The following TYRP1 variants were observed in gnomAD, a reference collection of about 807,000 sequenced individuals.
TYRP1 encodes the protein tyrosinase related protein 1.
In TYRP1, 49 loss-of-function variants were observed where a neutral mutation model predicts 42.8. The ratio of observed to expected loss-of-function variants is 1.14; its 90% confidence interval spans 0.91 to 1.45. The LOEUF is 1.45. Ranked by LOEUF, TYRP1 falls within the 40% of genes most tolerant of loss-of-function variation. TYRP1 has a pLI of 0.00. For synonymous variants in TYRP1, 279 were observed against 235.4 expected (o/e 1.19, Z -1.69); for missense variants, 848 against 662.0 (o/e 1.28, Z -3.08).
intron 5 of TYRP1, among the ~76,000 whole-genome samples, chr9:12,703,702 A>C (rs1818210987): frequency 6.6e-6 from 1 of 151,966 alleles, no homozygotes; most frequent in African/African-American, 2.4e-5. Context: ...AGATGAAGAG[A>C]GAACTGGTTA....
chr9:12,709,124 A>G lies in TYRP1; in HGVS notation c.1556A>G (p.Tyr519Cys). Residue 519 changes from tyrosine (Y) to cysteine (C), a missense_variant, in exon 8 of 8, where the codon TAT becomes TGT. Coordinates refer to ENST00000388918, the MANE Select transcript of TYRP1 (RefSeq NM_000550.3). ...EANQPLLTDQ[Y>C]QCYAEEYEKL... ...AACCAGCCTCTCCTCACTGATCAGT[A>G]TCAATGCTATGCTGAAGAATATGAA... The G allele has an allele frequency of 1.2e-6, 2 of 1,612,730 alleles. No homozygotes were observed. The highest frequency in any genetic ancestry group is 1.3e-5 in the African/African-American group (1 of 74,926).
chr9:12,695,543 A>G lies in TYRP1; in HGVS notation c.414A>G (p.Lys138=). ...IVRRNLLDLS[K]EEKNHFVRAL... ...GGAGAAATCTTCTGGACTTAAGTAAAGAAGAAAAGAACCACTTTGTCCGGG... is the reference window on the plus strand; with the variant it reads ...GGAGAAATCTTCTGGACTTAAGTAAGGAAGAAAAGAACCACTTTGTCCGGG... The change falls in exon 3 of 8, where the codon AAA becomes AAG. Residue 138 remains lysine, a synonymous_variant. Coordinates refer to ENST00000388918, the MANE Select transcript of TYRP1 (RefSeq NM_000550.3). 1.9e-6 allele frequency: 3 copies of G among 1,614,166 alleles called. No individual in the cohort carries two copies. The highest frequency in any genetic ancestry group is 1.6e-4 in the Middle Eastern group (1 of 6,062).
chr9:12,708,894 C>T (rs1586848156), intron 7 of TYRP1, 83 bp from the exon 8 acceptor site: 1 of 1,241,388 alleles, frequency 8.1e-7, no homozygotes, highest in Non-Finnish European at 1.2e-6. Context: ...TTAAAATAGA[C>T]ATTTCTAAAT....
intron 4 of TYRP1, 63 bp downstream of exon 4, chr9:12,698,718 G>T (rs973888112): frequency 2.1e-6 from 3 of 1,458,942 alleles, no homozygotes; most frequent in South Asian, 1.2e-5. Flanking sequence ...TAAATATGTT[G>T]CCTGAAAGGC....
Position 12,702,077 on chromosome 9 carries a change from A to C in TYRP1, c.914-194A>C, listed in dbSNP as rs532650680. On this transcript the variant is annotated intron_variant, in intron 4 of 7. Coordinates refer to ENST00000388918, the MANE Select transcript of TYRP1 (RefSeq NM_000550.3). ...AGATACTTTTATGTATCTCATATCTACTTGATTCAAAGAAATGGGACATGG... is the reference window on the plus strand; with the variant it reads ...AGATACTTTTATGTATCTCATATCTCCTTGATTCAAAGAAATGGGACATGG... Among the ~76,000 whole-genome samples the C allele has an allele frequency of 1.8e-3, 280 of 152,060 alleles. 1 individual carries two copies. The highest frequency in any genetic ancestry group is 6.4e-3 in the African/African-American group (267 of 41,526).
chr9:12,695,664 T>C lies in TYRP1; in HGVS notation c.535T>C (p.Phe179Leu). The C allele has an allele frequency of 6.2e-7, 1 of 1,614,174 alleles. No individual in the cohort carries two copies. The highest frequency in any genetic ancestry group is 1.1e-5 in the South Asian group (1 of 91,088). The change falls in exon 3 of 8, where the codon TTT (phenylalanine) becomes CTT (leucine). Residue 179 changes from phenylalanine (F) to leucine (L), a missense_variant. Transcript: ENST00000388918. ...GGGGCCAGATGGCAACACGCCACAA[T>C]TTGAGAACATTTCCATTTATAACTA... ...ILGPDGNTPQ[F>L]ENISIYNYFV...
At chr9:12,702,869 C>A (rs148031683) in intron 5 of TYRP1, among the ~76,000 whole-genome samples, 29 of 151,836 alleles carry the variant, frequency 1.9e-4, no homozygotes, top group Non-Finnish European at 4.0e-4. Flanking sequence ...GCCTTGCTTG[C>A]GCATATGTTT....
chr9:12,709,495 C>T lies in TYRP1; in HGVS notation c.*313C>T, dbSNP rs1369121366. 5 of 329,594 alleles carry T rather than the reference C, an allele frequency of 1.5e-5. No homozygotes were observed. Among genetic ancestry groups the T allele is most frequent in the African/African-American group, 1.0e-4 (5 of 47,706 alleles). 20.4% of individuals were successfully genotyped at this position (329,594 alleles called of 1,614,324 possible). ...AGATATAAGTAAGTGAACTACCATG[C>T]TTTGTTTACGTGTAAAGGAAAATAA... On this transcript the variant is annotated 3_prime_UTR_variant, in exon 8 of 8. Coordinates refer to ENST00000388918, the MANE Select transcript of TYRP1 (RefSeq NM_000550.3).
At chr9:12,706,687 T>C (rs1818264078) in intron 6 of TYRP1, among the ~76,000 whole-genome samples, 1 of 151,998 alleles carries the variant, frequency 6.6e-6, no homozygotes, top group African/African-American at 2.4e-5. Context: ...TTAGCCTCCT[T>C]CTTAAATATT....
chr9:12,708,161 A>G lies in TYRP1; in HGVS notation c.1408+18A>G, dbSNP rs748052723. On this transcript the variant is annotated intron_variant, in intron 7 of 7. Transcript: ENST00000388918. ...ATGGCCAAGTGAGTGTTGAAAGTGT[A>G]TTTTTACTGTGATAATTTCCAAAAG... The G allele has an allele frequency of 5.6e-6, 9 of 1,612,086 alleles. No individual in the cohort carries two copies. The East Asian group carries it at 6.7e-5, about 12-fold the overall frequency.
At chr9:12,706,475 C>T (rs768243538) in intron 6 of TYRP1, among the ~76,000 whole-genome samples, 1 of 151,938 alleles carries the variant, frequency 6.6e-6, no homozygotes, top group Non-Finnish European at 1.5e-5. Flanking sequence ...ACCTTTTGAA[C>T]ATTTTTTTCT....
intron 6 of TYRP1, among the ~76,000 whole-genome samples, chr9:12,706,900 AT>A (rs1818267564): frequency 6.6e-6 from 1 of 151,992 alleles, no homozygotes; most frequent in South Asian, 2.1e-4. Context: ...CTCTTTACAA[AT>A]TGCAGAATAA....
chr9:12,703,822 A>G (rs1818212988), intron 5 of TYRP1, among the ~76,000 whole-genome samples: 1 of 150,758 alleles, frequency 6.6e-6, no homozygotes, highest in Non-Finnish European at 1.5e-5. Flanking sequence ...CTCCATTTTT[A>G]TTTATGACCT....
chr9:12,702,890 C>A (rs2224863), intron 5 of TYRP1, among the ~76,000 whole-genome samples: 72,994 of 151,718 alleles, frequency 0.48, 21,092 homozygotes, highest in Non-Finnish European at 0.66. Flanking sequence ...TATTTAGGTC[C>A]GTATTAACCT....
chr9:12,695,907 T>G, intron 3 of TYRP1, 70 bp downstream of exon 3: 2 of 1,508,408 alleles, frequency 1.3e-6, no homozygotes, highest in East Asian at 2.3e-5. Flanking sequence ...TGATTTTAAT[T>G]CACTAGTTTT....
intron 4 of TYRP1, among the ~76,000 whole-genome samples, chr9:12,702,054 A>T (rs748263681): frequency 3.8e-4 from 57 of 151,996 alleles, no homozygotes; most frequent in African/African-American, 5.6e-4. Context: ...TTTCCTTCAG[A>T]TACTTTTATG....
rs1259085233 is a variant in TYRP1, at chr9:12,709,543, T to TA, written c.*365dup. On this transcript the variant is annotated 3_prime_UTR_variant, in exon 8 of 8. Transcript: ENST00000388918. The stretch of plus-strand genomic sequence containing the variant: ...TAATGTTTGATAGTAAATGTCCACT[T>TA]AAAATACATGAATGGGCATTTCTAA... 1 of 225,938 alleles carries TA rather than the reference T, an allele frequency of 4.4e-6. No individual in the cohort carries two copies. Among genetic ancestry groups the TA allele is most frequent in the Admixed American group, 5.1e-5 (1 of 19,730 alleles). The allele number at this position is 225,938 out of a possible 1,614,324, so 14.0% of individuals were successfully genotyped here.
At chr9:12,703,981 A>G (rs1221506229) in intron 5 of TYRP1, among the ~76,000 whole-genome samples, 1 of 151,782 alleles carries the variant, frequency 6.6e-6, no homozygotes, top group African/African-American at 2.4e-5. Flanking sequence ...TTTTGACAGT[A>G]GGTTTTCCCG....
In TYRP1 at chr9:12,709,689, A is replaced by T. The variant is rs1818326563; in HGVS notation, c.*507A>T. 1 of 161,966 alleles carries T rather than the reference A, an allele frequency of 6.2e-6. No individual in the cohort carries two copies. The highest frequency in any genetic ancestry group is 2.4e-5 in the African/African-American group (1 of 41,496). The allele number at this position is 161,966 out of a possible 1,614,324, so 10.0% of individuals were successfully genotyped here. A position where few individuals can be genotyped will look rare whatever the true frequency, so the allele number is the denominator to read the frequency against. On this transcript the variant is annotated 3_prime_UTR_variant, in exon 8 of 8. Transcript: ENST00000388918. ...GTTATAAACCAATGAAATTTTGATT[A>T]ACCTTTTCAAATTAATGTTCCAGTT...
Sources: gnomAD v4.1 joint callset for allele counts (sites outside exome capture counted in the v4.1 genomes callset) on GRCh38, gnomAD v4.1.1 for gene constraint, MANE v1.5 for transcripts, NCBI Gene and HGNC (gene_info 2026-07-23, HGNC 2026-07-21) for gene names.